RUNX1: variants seen among roughly 807,000 people sequenced by gnomAD.
RUNX1 encodes the protein RUNX family transcription factor 1.
Under a neutral mutation model 42.8 loss-of-function variants are expected in RUNX1, and 19 were observed. The ratio of observed to expected loss-of-function variants is 0.44; its 90% confidence interval spans 0.31 to 0.65. The LOEUF is 0.65. Ranked by LOEUF, RUNX1 falls within the 30% of genes least tolerant of loss-of-function variation. The pLI, the probability that RUNX1 is intolerant of heterozygous loss-of-function variation, is 0.07. For synonymous variants in RUNX1, 271 were observed against 289.4 expected (o/e 0.94, Z 0.64); for missense variants, 528 against 672.0 (o/e 0.79, Z 2.37).
intron 5 of RUNX1, among the ~76,000 whole-genome samples, chr21:34,870,355 G>C (rs1211452837): frequency 6.6e-6 from 1 of 152,180 alleles, no homozygotes; most frequent in East Asian, 1.9e-4. Context: ...GGCAAAATCA[G>C]GCTTAGACAG....
intron 7 of RUNX1, chr21:34,833,756 T>A: frequency 5.3e-6 from 1 of 188,332 alleles, no homozygotes; most frequent in East Asian, 1.2e-4. Context: ...TGGTCTACAG[T>A]GTAAATGAAC....
intron 2 of RUNX1, among the ~76,000 whole-genome samples, chr21:35,012,030 GAAGGTAGC>G (rs2059129851): frequency 6.6e-6 from 1 of 152,210 alleles, no homozygotes; most frequent in Non-Finnish European, 1.5e-5. Flanking sequence ...ACAGGATTAA[GAAGGTAGC>G]TGGTCAGAAA....
chr21:35,004,154 C>A (rs777133288), intron 2 of RUNX1, among the ~76,000 whole-genome samples: 2 of 152,190 alleles, frequency 1.3e-5, no homozygotes, highest in Non-Finnish European at 2.9e-5. Context: ...CTTGGAAATA[C>A]AGAACTGTGG....
At chr21:34,949,569 A>T (rs2146663021) in intron 2 of RUNX1, among the ~76,000 whole-genome samples, 1 of 152,358 alleles carries the variant, frequency 6.6e-6, no homozygotes, top group South Asian at 2.1e-4. Flanking sequence ...AGGCAAGAGA[A>T]CTTTGCTTAC....
At chr21:35,047,557 A>ACTCTCTCTCT (rs2059407769) in intron 2 of RUNX1, among the ~76,000 whole-genome samples, 3 of 75,792 alleles carry the variant, frequency 4.0e-5, no homozygotes, top group African/African-American at 1.4e-4. Flanking sequence ...ACACACACAC[A>ACTCTCTCTCT]CACACTCTCT....
chr21:34,923,591 C>T (rs914284681), intron 2 of RUNX1, among the ~76,000 whole-genome samples: 6 of 152,216 alleles, frequency 3.9e-5, no homozygotes, highest in Admixed American at 6.5e-5. Context: ...AGGCATTCCA[C>T]GGGAATTCAA....
chr21:34,865,279 CGTGTGTGTGTGTGTGTGTGTGTGT>C (rs61238560), intron 5 of RUNX1, among the ~76,000 whole-genome samples: 13 of 132,470 alleles, frequency 9.8e-5, no homozygotes, highest in Admixed American at 1.5e-4. Flanking sequence ...GGGTTTTGTG[CGTGTGTGTGTGTGTGTGTGTGTGT>C]GTGTGTGTGT....
intron 5 of RUNX1, among the ~76,000 whole-genome samples, chr21:34,862,170 T>G (rs1010532601): frequency 6.6e-6 from 1 of 151,756 alleles, no homozygotes; most frequent in African/African-American, 2.4e-5. Flanking sequence ...AGTTACAAGT[T>G]TGGGGATGCA....
chr21:34,890,751 A>G (rs1433866700), intron 3 of RUNX1, among the ~76,000 whole-genome samples: 2 of 58,998 alleles, frequency 3.4e-5, no homozygotes, highest in African/African-American at 6.9e-5. Flanking sequence ...CCAAACGTCC[A>G]CTTTCTAACT....
At chr21:34,887,222 G>A in intron 3 of RUNX1, 126 bp from the exon 4 acceptor site, 1 of 1,147,214 alleles carries the variant, frequency 8.7e-7, no homozygotes, top group Non-Finnish European at 1.1e-6. Context: ...ACGTTCAGGG[G>A]CCTTTATTAC....
At chr21:34,975,180 T>G (rs2058792019) in intron 2 of RUNX1, among the ~76,000 whole-genome samples, 3 of 152,240 alleles carry the variant, frequency 2.0e-5, no homozygotes, top group Admixed American at 2.0e-4. Flanking sequence ...CTGGATCTTT[T>G]CCCTAGCTAT....
intron 2 of RUNX1, among the ~76,000 whole-genome samples, chr21:34,899,425 T>TCTCC (rs1461207660): frequency 6.6e-6 from 1 of 151,990 alleles, no homozygotes; most frequent in South Asian, 2.1e-4. Flanking sequence ...TTTCTCTCTC[T>TCTCC]CTCCCTCCCT....
intron 2 of RUNX1, among the ~76,000 whole-genome samples, chr21:34,970,113 G>A (rs1200557971): frequency 6.6e-6 from 1 of 152,200 alleles, no homozygotes; most frequent in Non-Finnish European, 1.5e-5. Context: ...GTGGGCTACG[G>A]TATTTAACAC....
At chr21:34,989,014 C>CTCTCTCTT (rs752573187) in intron 2 of RUNX1, among the ~76,000 whole-genome samples, 97 of 145,890 alleles carry the variant, frequency 6.6e-4, no homozygotes, top group African/African-American at 2.5e-3. Flanking sequence ...CTCTCTCTCT[C>CTCTCTCTT]TTTTTTTTTT....
intron 5 of RUNX1, among the ~76,000 whole-genome samples, chr21:34,879,564 CA>C (rs2057864915): frequency 6.6e-6 from 1 of 151,946 alleles, no homozygotes; most frequent in Non-Finnish European, 1.5e-5. Context: ...TTGGTGCTTC[CA>C]TTTTTTTCAA....
At chr21:34,847,941 A>G (rs2057340528) in intron 6 of RUNX1, among the ~76,000 whole-genome samples, 1 of 150,468 alleles carries the variant, frequency 6.6e-6, no homozygotes, top group Non-Finnish European at 1.5e-5. Flanking sequence ...CTTTTTTTTT[A>G]AGTACTTGGC....
chr21:35,045,141 G>A (rs1003820353), intron 2 of RUNX1, among the ~76,000 whole-genome samples: 8 of 152,090 alleles, frequency 5.3e-5, no homozygotes, highest in Admixed American at 3.9e-4. Flanking sequence ...GTTTCTTAGC[G>A]TGCAAAAAGT....
chr21:34,837,790 CTG>C (rs1436812592), intron 6 of RUNX1, among the ~76,000 whole-genome samples: 3 of 152,162 alleles, frequency 2.0e-5, no homozygotes, highest in Non-Finnish European at 4.4e-5. Context: ...TTGGAATCAA[CTG>C]TGAATGTTTA....
Position 34,858,953 on chromosome 21 carries a change from C to T in RUNX1, c.613+521G>A, listed in dbSNP as rs1000230832. Among the ~76,000 whole-genome samples the T allele has an allele frequency of 1.3e-4, 20 of 152,200 alleles. 1 individual carries two copies. Among genetic ancestry groups the T allele is most frequent in the African/African-American group, 3.1e-4 (13 of 41,440 alleles). On this transcript the variant is annotated intron_variant, in intron 6 of 8. Coordinates refer to ENST00000675419, the MANE Select transcript of RUNX1 (RefSeq NM_001754.5). ...CCCCAGACATTCTTCTACCCTCCCA[C>T]TCTCTATCTTAAAAATGCCTGTAAT...
Sources: allele counts gnomAD v4.1 joint callset (sites outside exome capture counted in the v4.1 genomes callset), GRCh38; gene constraint gnomAD v4.1.1; transcripts MANE v1.5; gene names NCBI Gene and HGNC (gene_info 2026-07-23, HGNC 2026-07-21).